The following MARCHF4 variants were observed in gnomAD, a reference collection of about 807,000 sequenced individuals.
The protein encoded by MARCHF4 is membrane associated ring-CH-type finger 4.
A neutral mutation model predicts 43.9 loss-of-function variants in MARCHF4; 14 were observed. The observed-to-expected ratio is 0.32, with a 90% CI of 0.21 to 0.50. The LOEUF (loss-of-function observed/expected upper bound fraction) is 0.50, where lower values mean the gene tolerates loss of function less well. Among genes scored for constraint, MARCHF4 ranks in the 20% least tolerant of loss-of-function variants. The pLI, the probability that MARCHF4 is intolerant of heterozygous loss-of-function variation, is 0.98. For missense variants in MARCHF4, 468 were observed against 536.7 expected (o/e 0.87, Z 1.27); for synonymous variants, 226 against 213.3 (o/e 1.06, Z -0.52).
chr2:216,341,934 T>C (rs1692244218), intron 1 of MARCHF4, among the ~76,000 whole-genome samples: 1 of 152,148 alleles, frequency 6.6e-6, no homozygotes. Context: ...ATATCAGCCA[T>C]ATGCCCAGAG....
In MARCHF4 at chr2:216,259,029, G is replaced by A. The variant is rs905723203; in HGVS notation, c.*283C>T. ...CGGGTACCTTGCCTGCAGGTGCATT[G>A]GGGCAGGGTTTTTCTGTTGGGCCAG... On this transcript the variant is annotated 3_prime_UTR_variant, in exon 4 of 4. Transcript: ENST00000273067. 1 of 276,858 alleles carries A rather than the reference G, an allele frequency of 3.6e-6. No homozygotes were observed. The highest frequency in any genetic ancestry group is 2.1e-5 in the African/African-American group (1 of 46,634). The allele number at this position is 276,858 out of a possible 1,614,324, so 17.2% of individuals were successfully genotyped here.
At chr2:216,363,054 C>A (rs565399477) in intron 1 of MARCHF4, among the ~76,000 whole-genome samples, 1 of 152,178 alleles carries the variant, frequency 6.6e-6, no homozygotes, top group African/African-American at 2.4e-5. Flanking sequence ...CACAGCTGGG[C>A]TTTTCCAGCA....
intron 1 of MARCHF4, among the ~76,000 whole-genome samples, chr2:216,300,378 C>G (rs1691476338): frequency 7.4e-6 from 1 of 135,338 alleles, no homozygotes; most frequent in African/African-American, 3.7e-5. Context: ...ATGACTTACT[C>G]TGTCATCCAG....
chr2:216,284,499 T>C (rs1691187937), intron 1 of MARCHF4, among the ~76,000 whole-genome samples: 1 of 152,190 alleles, frequency 6.6e-6, no homozygotes, highest in Non-Finnish European at 1.5e-5. Context: ...AGGATCTCAC[T>C]CTGCTGCCCA....
intron 1 of MARCHF4, among the ~76,000 whole-genome samples, chr2:216,356,648 A>G (rs1027454312): frequency 3.3e-5 from 5 of 152,228 alleles, no homozygotes; most frequent in African/African-American, 9.6e-5. Flanking sequence ...AATTATTCCA[A>G]GTCTGAAAAG....
At chr2:216,310,375 C>T (rs564673971) in intron 1 of MARCHF4, among the ~76,000 whole-genome samples, 6 of 152,186 alleles carry the variant, frequency 3.9e-5, no homozygotes, top group African/African-American at 1.4e-4. Flanking sequence ...AATCCTCCCC[C>T]CTCAGCCTCC....
At position 216,283,879 on chromosome 2, in the gene MARCHF4, C is replaced by A. The variant is rs1691176350; in HGVS notation, c.517-150G>T. 5 of 812,078 alleles carry A rather than the reference C, an allele frequency of 6.2e-6. No individual in the cohort carries two copies. In the East Asian group the frequency reaches 1.4e-4, roughly 22 times the overall value. The allele number at this position is 812,078 out of a possible 1,614,324, so 50.3% of individuals were successfully genotyped here. The stretch of plus-strand genomic sequence containing the variant: ...GGGGCACCAGACTCCATGGAGGAGG[C>A]CTGGGCTCCTGCACCCCCACCATGA... On this transcript the variant is annotated intron_variant, in intron 1 of 3. Coordinates refer to ENST00000273067, the MANE Select transcript of MARCHF4 (RefSeq NM_020814.3).
At chr2:216,336,686 T>C (rs928235690) in intron 1 of MARCHF4, among the ~76,000 whole-genome samples, 5 of 142,898 alleles carry the variant, frequency 3.5e-5, no homozygotes, top group Non-Finnish European at 4.5e-5. Context: ...GATTCAGTGT[T>C]GGTAAATTCA....
chr2:216,332,709 T>A (rs75764365), intron 1 of MARCHF4, among the ~76,000 whole-genome samples: 3,002 of 152,236 alleles, frequency 0.02, 106 homozygotes, highest in African/African-American at 0.069. Context: ...GACGGTCGTC[T>A]CCCCAAATGC....
chr2:216,354,955 CTTTCTTTCTTTCTTTCT>C (rs1692472328), intron 1 of MARCHF4, among the ~76,000 whole-genome samples: 2 of 138,778 alleles, frequency 1.4e-5, no homozygotes, highest in Non-Finnish European at 3.1e-5. Context: ...TTCTTTCTTT[CTTTCTTTCTTTCTTTCT>C]TTCTTTCTTT....
At chr2:216,350,601 G>T (rs912490229) in intron 1 of MARCHF4, among the ~76,000 whole-genome samples, 2 of 152,064 alleles carry the variant, frequency 1.3e-5, no homozygotes. Context: ...TTTGACAGGT[G>T]CCTGCGGGCC....
At chr2:216,333,126 C>A (rs1692105684) in intron 1 of MARCHF4, among the ~76,000 whole-genome samples, 1 of 151,728 alleles carries the variant, frequency 6.6e-6, no homozygotes, top group African/African-American at 2.4e-5. Context: ...CACACAAATA[C>A]CATTAATTAT....
intron 1 of MARCHF4, among the ~76,000 whole-genome samples, chr2:216,289,455 TC>T (rs1403539767): frequency 1.3e-5 from 2 of 152,190 alleles, no homozygotes; most frequent in African/African-American, 4.8e-5. Context: ...GTTACAAGGG[TC>T]TGTCCCAACT....
chr2:216,270,057 C>T (rs1292366636), intron 3 of MARCHF4, among the ~76,000 whole-genome samples: 1 of 151,368 alleles, frequency 6.6e-6, no homozygotes, highest in Non-Finnish European at 1.5e-5. Flanking sequence ...CAATTGCCTA[C>T]AGAAATCTAG....
At chr2:216,359,852 T>C (rs1692550436) in intron 1 of MARCHF4, among the ~76,000 whole-genome samples, 1 of 152,190 alleles carries the variant, frequency 6.6e-6, no homozygotes, top group African/African-American at 2.4e-5. Flanking sequence ...TCATAGCAGA[T>C]CTTGCTCTTA....
intron 2 of MARCHF4, among the ~76,000 whole-genome samples, chr2:216,282,683 C>T (rs1002910316): frequency 2.0e-5 from 3 of 152,146 alleles, no homozygotes; most frequent in Non-Finnish European, 4.4e-5. Flanking sequence ...GTGGCACAGG[C>T]CTGCCAGCTC....
At position 216,300,350 on chromosome 2, in the gene MARCHF4, G is replaced by GTATATATA. The variant is rs201683040; in HGVS notation, c.517-16629_517-16622dup. 3.3e-3 allele frequency among the ~76,000 whole-genome samples: 381 copies of GTATATATA among 115,802 alleles called. 7 individuals carry two copies. The highest frequency in any genetic ancestry group is 0.013 in the African/African-American group (362 of 28,374). 76.0% of individuals were successfully genotyped at this position (115,802 alleles called of 152,430 possible). ...TATGTCCATCTCGATATATATATAT[G>GTATATATA]TATATATATATATATATATGACTTA... On this transcript the variant is annotated intron_variant, in intron 1 of 3. Transcript: ENST00000273067.
At chr2:216,367,083 C>A (rs149820287) in intron 1 of MARCHF4, among the ~76,000 whole-genome samples, 1 of 152,090 alleles carries the variant, frequency 6.6e-6, no homozygotes, top group Non-Finnish European at 1.5e-5. Flanking sequence ...TTTTGGCAGT[C>A]GTTTAGCCCC....
chr2:216,341,512 A>C (rs1692234818), intron 1 of MARCHF4, among the ~76,000 whole-genome samples: 2 of 152,138 alleles, frequency 1.3e-5, no homozygotes, highest in Admixed American at 1.3e-4. Flanking sequence ...GCCTCAAAGG[A>C]AGGGGAGGGC....
Sources: allele counts gnomAD v4.1 joint callset (sites outside exome capture counted in the v4.1 genomes callset), GRCh38; gene constraint gnomAD v4.1.1; transcripts MANE v1.5; gene names NCBI Gene and HGNC (gene_info 2026-07-23, HGNC 2026-07-21).